USO1: variants seen among roughly 807,000 people sequenced by gnomAD.
USO1 encodes USO1 vesicle transport factor, also known as general vesicular transport factor p115.
In USO1, 57 loss-of-function variants were observed where a neutral mutation model predicts 124.5. That is an observed-to-expected ratio of 0.46 (90% CI 0.37 to 0.57). The LOEUF (loss-of-function observed/expected upper bound fraction) is 0.57. Ranked by LOEUF, USO1 falls within the 20% of genes least tolerant of loss-of-function variation. USO1 has a pLI of 0.00. For synonymous variants in USO1, 369 were observed against 362.8 expected, an observed-to-expected ratio of 1.02 and a Z score of -0.19; for missense variants, 900 against 1,040.6, an observed-to-expected ratio of 0.86 and a Z score of 1.86.
chr4:75,752,021 T>G (rs1331903687), intron 1 of USO1, among the ~76,000 whole-genome samples: 2 of 152,164 alleles, frequency 1.3e-5, no homozygotes, highest in Non-Finnish European at 2.9e-5. Context: ...TAAATAACTT[T>G]CTGTCTTCTA....
intron 1 of USO1, among the ~76,000 whole-genome samples, chr4:75,750,503 G>A (rs1721271641): frequency 1.3e-5 from 2 of 151,212 alleles, no homozygotes; most frequent in Non-Finnish European, 1.5e-5. Context: ...ATTTATTTTT[G>A]AGACAGGGTC....
chr4:75,745,365 G>A (rs1434815268), intron 1 of USO1: 1 of 519,688 alleles, frequency 1.9e-6, no homozygotes, highest in Non-Finnish European at 3.9e-6. Flanking sequence ...AGTTGTGCAA[G>A]TGGAGCTATT....
chr4:75,750,119 C>A (rs1721262600), intron 1 of USO1, among the ~76,000 whole-genome samples: 1 of 152,300 alleles, frequency 6.6e-6, no homozygotes, highest in East Asian at 1.9e-4. Context: ...CCTTTTCAGT[C>A]TCTTCATAGT....
At chr4:75,807,434 TCTTC>T (rs1354819040) in intron 20 of USO1, among the ~76,000 whole-genome samples, 1 of 152,052 alleles carries the variant, frequency 6.6e-6, no homozygotes, top group Admixed American at 6.6e-5. Flanking sequence ...GGACTAACTG[TCTTC>T]CTTCTCTCTC....
intron 9 of USO1, among the ~76,000 whole-genome samples, chr4:75,785,825 G>A (rs774008010): frequency 1.6e-4 from 24 of 152,020 alleles, no homozygotes; most frequent in Non-Finnish European, 2.8e-4. Flanking sequence ...GACATATTGC[G>A]TAGTATTTGT....
intron 4 of USO1, among the ~76,000 whole-genome samples, chr4:75,761,114 G>A (rs182043148): frequency 3.3e-5 from 5 of 151,808 alleles, no homozygotes; most frequent in African/African-American, 4.8e-5. Flanking sequence ...GCCACTGCAC[G>A]ATCCAGCCTG....
rs910021992 is a variant in USO1, at chr4:75,807,218, TACTTAC to T, written c.2376+648_2376+653del. On this transcript the variant is annotated intron_variant, in intron 20 of 23. Coordinates refer to ENST00000514213, the MANE Select transcript of USO1 (RefSeq NM_003715.4). ...TCAAAAGAGAGAAATGAACTCTGTA[TACTTAC>T]AATTAAATAATGTAGCAATTGGAAG... 2.6e-4 allele frequency among the ~76,000 whole-genome samples: 39 copies of T among 152,288 alleles called. 1 individual carries two copies. Among genetic ancestry groups the T allele is most frequent in the African/African-American group, 7.9e-4 (33 of 41,584 alleles).
intron 3 of USO1, among the ~76,000 whole-genome samples, chr4:75,754,053 C>T (rs1434997380): frequency 1.3e-5 from 2 of 150,472 alleles, no homozygotes; most frequent in African/African-American, 4.9e-5. Flanking sequence ...TCCCAAAGTG[C>T]TGGGATTACA....
chr4:75,806,206 G>A (rs569866947), intron 19 of USO1, among the ~76,000 whole-genome samples: 31 of 152,248 alleles, frequency 2.0e-4, no homozygotes, highest in African/African-American at 7.2e-4. Context: ...TGCCCAAGCT[G>A]ATCTTGCATT....
chr4:75,770,095 C>T (rs13124724), intron 4 of USO1: 50,736 of 160,336 alleles, frequency 0.32, 9,634 homozygotes, highest in East Asian at 0.77. Flanking sequence ...ACAGAAGTGT[C>T]ACCACTACCA....
At position 75,780,595 on chromosome 4, in the gene USO1, A is replaced by G. The variant is rs1157464282; in HGVS notation, c.677-2085A>G. On this transcript the variant is annotated intron_variant, in intron 8 of 23. Coordinates refer to ENST00000514213, the MANE Select transcript of USO1 (RefSeq NM_003715.4). ...CAATAATATTGTTTTCATACTGTTA[A>G]CACAACATGCATTTTGCAGCCCATG... 2.0e-5 allele frequency among the ~76,000 whole-genome samples: 3 copies of G among 148,174 alleles called. No individual in the cohort carries two copies. The East Asian group carries it at 6.1e-4, about 30-fold the overall frequency.
At chr4:75,753,718 G>C (rs1363311359) in intron 3 of USO1, among the ~76,000 whole-genome samples, 1 of 150,284 alleles carries the variant, frequency 6.7e-6, no homozygotes, top group Admixed American at 6.7e-5. Flanking sequence ...ACCTTGTCTT[G>C]ACAAAATAAA....
chr4:75,730,936 T>C (rs1430350473), intron 1 of USO1, among the ~76,000 whole-genome samples: 1 of 152,078 alleles, frequency 6.6e-6, no homozygotes, highest in Non-Finnish European at 1.5e-5. Flanking sequence ...AAAACTTTTG[T>C]GGTGTTAGAT....
intron 12 of USO1, among the ~76,000 whole-genome samples, chr4:75,791,266 G>C (rs955724761): frequency 1.3e-5 from 2 of 152,228 alleles, no homozygotes; most frequent in East Asian, 3.9e-4. Flanking sequence ...GCTCACGCCC[G>C]TAATCCCAAC....
intron 1 of USO1, among the ~76,000 whole-genome samples, chr4:75,734,718 C>CTTTTTT (rs55928639): frequency 0.011 from 543 of 47,454 alleles, 192 homozygotes; most frequent in Non-Finnish European, 0.014. Context: ...GGCAGTATGG[C>CTTTTTT]TTTTTTTTTT....
At chr4:75,732,193 T>G (rs1577921843) in intron 1 of USO1, among the ~76,000 whole-genome samples, 1 of 152,116 alleles carries the variant, frequency 6.6e-6, no homozygotes, top group Non-Finnish European at 1.5e-5. Flanking sequence ...CAGTGTTGAC[T>G]GCTCCCATCT....
chr4:75,734,718 CTTT>C (rs55928639), intron 1 of USO1, among the ~76,000 whole-genome samples: 1 of 47,462 alleles, frequency 2.1e-5, no homozygotes, highest in African/African-American at 8.4e-5. Context: ...GGCAGTATGG[CTTT>C]TTTTTTTTTT....
intron 4 of USO1, among the ~76,000 whole-genome samples, chr4:75,759,593 CA>C (rs1171035509): frequency 4.2e-4 from 56 of 133,616 alleles, no homozygotes; most frequent in East Asian, 6.5e-4. Flanking sequence ...GACTCTGTCT[CA>C]AAAAAAAAAA....
intron 3 of USO1, among the ~76,000 whole-genome samples, chr4:75,755,814 A>C (rs1297658832): frequency 6.6e-6 from 1 of 152,132 alleles, no homozygotes; most frequent in Non-Finnish European, 1.5e-5. Flanking sequence ...GACTTTCCAG[A>C]TATGCTTAAG....
Sources: gnomAD v4.1 joint callset for allele counts (sites outside exome capture counted in the v4.1 genomes callset) on GRCh38, gnomAD v4.1.1 for gene constraint, MANE v1.5 for transcripts, NCBI Gene and HGNC (gene_info 2026-07-23, HGNC 2026-07-21) for gene names.